Variants in AHCYL2 observed in about 807,000 individuals in gnomAD.
AHCYL2 encodes the protein S-adenosylhomocysteine hydrolase-like protein 2.
In AHCYL2, 28 loss-of-function variants were observed where a neutral mutation model predicts 81.4. The observed-to-expected ratio is 0.34, with a 90% CI of 0.25 to 0.47. The LOEUF (loss-of-function observed/expected upper bound fraction) is 0.47. Ranked by LOEUF, AHCYL2 falls within the 20% of genes least tolerant of loss-of-function variation. The probability of loss-of-function intolerance (pLI) is 1.00; values close to 1 mark genes in which losing one functional copy is unlikely to be tolerated. For synonymous variants in AHCYL2, 272 were observed against 290.2 expected (o/e 0.94, Z 0.64); for missense variants, 551 against 785.1 (o/e 0.70, Z 3.56).
Position 129,363,108 on chromosome 7 carries a change from A to C in AHCYL2, c.364-16530A>C, listed in dbSNP as rs571996186. On this transcript the variant is annotated intron_variant, in intron 1 of 16. Coordinates refer to ENST00000325006, the MANE Select transcript of AHCYL2 (RefSeq NM_015328.4). ...TTTGGAGTTAAGATTCTTCTAAGCT[A>C]TTCAGATACTTGGTCAATTTTTGTA... Among the ~76,000 whole-genome samples the C allele has an allele frequency of 9.2e-5, 14 of 152,310 alleles. No homozygotes were observed. In the South Asian group the frequency reaches 2.9e-3, roughly 32 times the overall value.
At chr7:129,267,596 C>T (rs546438780) in intron 1 of AHCYL2, among the ~76,000 whole-genome samples, 11 of 152,082 alleles carry the variant, frequency 7.2e-5, no homozygotes, top group Non-Finnish European at 1.6e-4. Context: ...TGAGCCACTG[C>T]GCCCCTCCCC....
chr7:129,317,924 A>G (rs1347534125), intron 1 of AHCYL2, among the ~76,000 whole-genome samples: 2 of 152,220 alleles, frequency 1.3e-5, no homozygotes, highest in Non-Finnish European at 2.9e-5. Context: ...TAGATAAACA[A>G]AAATTTTCTG....
intron 1 of AHCYL2, among the ~76,000 whole-genome samples, chr7:129,238,338 A>AT (rs1033657656): frequency 1.3e-4 from 20 of 152,034 alleles, no homozygotes; most frequent in African/African-American, 4.1e-4. Context: ...GCCTAATGCT[A>AT]TTTTTTTTAT....
intron 1 of AHCYL2, among the ~76,000 whole-genome samples, chr7:129,329,387 C>T (rs769052894): frequency 5.3e-5 from 8 of 151,812 alleles, no homozygotes; most frequent in African/African-American, 9.7e-5. Flanking sequence ...CTGCCTATGT[C>T]GCCCAGACTG....
At position 129,245,726 on chromosome 7, in the gene AHCYL2, G is replaced by A. The variant is rs191994018; in HGVS notation, c.363+20287G>A. ...GAATAATATTCCATTTTACATATAC[G>A]TACCACATTTTGTTTATTCATTTGT... On this transcript the variant is annotated intron_variant, in intron 1 of 16. Coordinates refer to ENST00000325006, the MANE Select transcript of AHCYL2 (RefSeq NM_015328.4). Among the ~76,000 whole-genome samples the A allele has an allele frequency of 4.1e-4, 63 of 152,108 alleles. No individual in the cohort carries two copies. The East Asian group carries it at 9.3e-3, about 22-fold the overall frequency.
At chr7:129,382,107 G>T (rs959677062) in intron 2 of AHCYL2, among the ~76,000 whole-genome samples, 1 of 152,106 alleles carries the variant, frequency 6.6e-6, no homozygotes, top group Non-Finnish European at 1.5e-5. Flanking sequence ...GTTGTGTGAC[G>T]CTGGAAAACT....
chr7:129,306,566 C>T (rs1395478145), intron 1 of AHCYL2, among the ~76,000 whole-genome samples: 4 of 135,116 alleles, frequency 3.0e-5, no homozygotes, highest in South Asian at 4.2e-4. Flanking sequence ...GGTCACATAT[C>T]TCTGTTTCTC....
intron 1 of AHCYL2, among the ~76,000 whole-genome samples, chr7:129,266,631 G>A (rs774629323): frequency 1.3e-5 from 2 of 152,210 alleles, no homozygotes; most frequent in South Asian, 2.1e-4. Context: ...TCAGGGTAAC[G>A]TCTTCTGGAC....
intron 1 of AHCYL2, among the ~76,000 whole-genome samples, chr7:129,357,737 A>G (rs895843840): frequency 2.0e-5 from 3 of 152,086 alleles, no homozygotes; most frequent in Non-Finnish European, 2.9e-5. Flanking sequence ...GATCGAGACC[A>G]TGCTGGCTAA....
intron 1 of AHCYL2, among the ~76,000 whole-genome samples, chr7:129,298,817 C>T (rs1797142032): frequency 6.6e-6 from 1 of 152,046 alleles, no homozygotes. Context: ...TTAGTTTCAC[C>T]TCTTTTGCCT....
In AHCYL2 at chr7:129,368,992, C is replaced by T. The variant is rs1794239031; in HGVS notation, c.364-10646C>T. On this transcript the variant is annotated intron_variant, in intron 1 of 16. Transcript: ENST00000325006. This position sits in a 1 kb window ranked among gnomAD's most constrained non-coding sequence, Gnocchi z 4.4. ...TCTGCAAAGATTGCAAACATTTCTC[C>T]CCTCCCTGCCCGTATTTTTCCCTTC... is the stretch of plus-strand genomic sequence containing the variant. Among the ~76,000 whole-genome samples, 1 of 152,072 alleles carries T rather than the reference C, an allele frequency of 6.6e-6. No homozygotes were observed. Among genetic ancestry groups the T allele is most frequent in the Non-Finnish European group, 1.5e-5 (1 of 67,994 alleles).
At chr7:129,404,810 G>A (rs751222290) in intron 7 of AHCYL2, among the ~76,000 whole-genome samples, 5 of 152,060 alleles carry the variant, frequency 3.3e-5, no homozygotes, top group Non-Finnish European at 7.4e-5. Flanking sequence ...CCTTCAACCC[G>A]CTCCCACTCT....
intron 1 of AHCYL2, among the ~76,000 whole-genome samples, chr7:129,357,933 CAAA>C (rs1231126390): frequency 2.4e-5 from 2 of 83,344 alleles, no homozygotes; most frequent in Non-Finnish European, 2.5e-5. Flanking sequence ...GACTCCATCT[CAAA>C]AAAAAAAAAA....
rs964046670 is a variant in AHCYL2, at chr7:129,351,829, A to G, written c.364-27809A>G. On this transcript the variant is annotated intron_variant, in intron 1 of 16. Transcript: ENST00000325006. ...GGTCTGTGAGGTCAGAGCTGTTTTC[A>G]TAATAATACTAAGGTGTTTGCCTTT... 6.6e-5 allele frequency among the ~76,000 whole-genome samples: 10 copies of G among 152,174 alleles called. 1 individual carries two copies. Among genetic ancestry groups the G allele is most frequent in the African/African-American group, 4.8e-5 (2 of 41,450 alleles).
At chr7:129,307,058 G>A (rs1797468892) in intron 1 of AHCYL2, among the ~76,000 whole-genome samples, 1 of 152,226 alleles carries the variant, frequency 6.6e-6, no homozygotes, top group Non-Finnish European at 1.5e-5. Flanking sequence ...CCTGAAGCCA[G>A]TAAAGTGTTG....
In AHCYL2 at chr7:129,245,025, C is replaced by CTT. The variant is rs11457350; in HGVS notation, c.363+19604_363+19605dup. 1.5e-3 allele frequency among the ~76,000 whole-genome samples: 179 copies of CTT among 115,758 alleles called. 1 individual carries two copies. Among genetic ancestry groups the CTT allele is most frequent in the African/African-American group, 5.1e-3 (164 of 32,454 alleles). The allele number at this position is 115,758 out of a possible 152,430, so 75.9% of individuals were successfully genotyped here. On this transcript the variant is annotated intron_variant, in intron 1 of 16. Coordinates refer to ENST00000325006, the MANE Select transcript of AHCYL2 (RefSeq NM_015328.4). ...CAATGATATATATTTGTAGAATATTCTTTTTTTTTTTTTTTTTTTGACAGA... is the reference window on the plus strand; with the variant it reads ...CAATGATATATATTTGTAGAATATTCTTTTTTTTTTTTTTTTTTTTTGACAGA...
intron 5 of AHCYL2, 64 bp from the exon 6 acceptor site, chr7:129,400,226 C>T: frequency 1.4e-6 from 2 of 1,446,414 alleles, no homozygotes; most frequent in Non-Finnish European, 1.9e-6. Flanking sequence ...AATCTTCTCA[C>T]TAAAATTAGG....
intron 1 of AHCYL2, among the ~76,000 whole-genome samples, chr7:129,343,337 CAT>C (rs1269327751): frequency 6.6e-6 from 1 of 152,072 alleles, no homozygotes; most frequent in African/African-American, 2.4e-5. Context: ...CATTAATTTT[CAT>C]ATGTTTTCTT....
intron 1 of AHCYL2, among the ~76,000 whole-genome samples, chr7:129,247,493 C>T (rs891465031): frequency 7.9e-5 from 12 of 152,124 alleles, no homozygotes; most frequent in African/African-American, 2.9e-4. Flanking sequence ...TTTGCAAATA[C>T]TTTCTCCTAG....
Sources: allele counts gnomAD v4.1 joint callset (sites outside exome capture counted in the v4.1 genomes callset), GRCh38; gene constraint gnomAD v4.1.1; non-coding constraint Gnocchi (gnomAD v3.1); transcripts MANE v1.5; gene names NCBI Gene and HGNC (gene_info 2026-07-23, HGNC 2026-07-21).